The following VPS41 variants were observed in gnomAD, a reference collection of about 807,000 sequenced individuals.
The protein encoded by VPS41 is VPS41 subunit of HOPS complex.
A neutral mutation model predicts 130.9 loss-of-function variants in VPS41; 85 were observed. That is an observed-to-expected ratio of 0.65 (90% CI 0.55 to 0.78). The LOEUF (loss-of-function observed/expected upper bound fraction) is 0.78. Among genes scored for constraint, VPS41 ranks in the 30% least tolerant of loss-of-function variants. The pLI is 0.00. For missense variants in VPS41, 874 were observed against 1,018.7 expected (o/e 0.86, Z 1.93); for synonymous variants, 335 against 332.9 (o/e 1.01, Z -0.07).
intron 9 of VPS41, among the ~76,000 whole-genome samples, chr7:38,790,701 C>T (rs991179985): frequency 1.3e-5 from 2 of 152,138 alleles, no homozygotes; most frequent in African/African-American, 4.8e-5. Context: ...GCAAATGTTA[C>T]ATCATTTATA....
chr7:38,893,120 C>G (rs1786902950), intron 2 of VPS41, among the ~76,000 whole-genome samples: 1 of 152,220 alleles, frequency 6.6e-6, no homozygotes, highest in Non-Finnish European at 1.5e-5. Context: ...GCCACAGAAT[C>G]AAGTCCACAC....
chr7:38,816,606 C>A (rs1181338775), intron 7 of VPS41, among the ~76,000 whole-genome samples: 1 of 152,024 alleles, frequency 6.6e-6, no homozygotes, highest in African/African-American at 2.4e-5. Context: ...TAAAAACAGT[C>A]TTTAAAATAT....
chr7:38,866,930 T>C (rs1386090457), intron 3 of VPS41, among the ~76,000 whole-genome samples: 1 of 152,090 alleles, frequency 6.6e-6, no homozygotes, highest in Non-Finnish European at 1.5e-5. Flanking sequence ...AGCTGATGAA[T>C]GGATAGACAA....
intron 10 of VPS41, among the ~76,000 whole-genome samples, chr7:38,786,735 A>G (rs17700752): frequency 0.25 from 38,204 of 151,980 alleles, 5,282 homozygotes; most frequent in East Asian, 0.44. Flanking sequence ...ACATACCTAG[A>G]TCCTCAAGTA....
chr7:38,853,783 AG>A (rs1260352467), intron 4 of VPS41, among the ~76,000 whole-genome samples: 1 of 152,234 alleles, frequency 6.6e-6, no homozygotes, highest in Non-Finnish European at 1.5e-5. Flanking sequence ...GTGAAATACC[AG>A]GGTAATTTCA....
intron 22 of VPS41, chr7:38,746,088 CGAAT>C (rs1007115999): frequency 1.3e-5 from 2 of 152,940 alleles, no homozygotes; most frequent in African/African-American, 4.8e-5. Flanking sequence ...CATGAATGAA[CGAAT>C]GAATGATTGA....
At chr7:38,782,608 G>T (rs890262767) in intron 10 of VPS41, among the ~76,000 whole-genome samples, 17 of 152,138 alleles carry the variant, frequency 1.1e-4, no homozygotes, top group African/African-American at 4.1e-4. Flanking sequence ...TTCACATATT[G>T]CTGTTATACA....
chr7:38,899,864 T>C (rs908223572), intron 1 of VPS41, among the ~76,000 whole-genome samples: 1 of 152,178 alleles, frequency 6.6e-6, no homozygotes, highest in Non-Finnish European at 1.5e-5. Flanking sequence ...ACATTAAACC[T>C]AAGGAAATTT....
chr7:38,753,801 A>G (rs1026971374), intron 21 of VPS41, among the ~76,000 whole-genome samples: 3 of 152,192 alleles, frequency 2.0e-5, no homozygotes, highest in Non-Finnish European at 2.9e-5. Flanking sequence ...ATGCAGCAGT[A>G]GCATCTGAGC....
intron 24 of VPS41, among the ~76,000 whole-genome samples, chr7:38,742,969 C>T (rs1315613743): frequency 6.6e-6 from 1 of 152,040 alleles, no homozygotes; most frequent in Non-Finnish European, 1.5e-5. Flanking sequence ...AATACTACAA[C>T]ACAAACATCC....
chr7:38,839,732 AGCC>A (rs1254788359), intron 4 of VPS41, among the ~76,000 whole-genome samples: 1 of 152,090 alleles, frequency 6.6e-6, no homozygotes, highest in African/African-American at 2.4e-5. Flanking sequence ...TACAGGTGTG[AGCC>A]ACCGTTCTGC....
chr7:38,889,035 C>T (rs1368918744), intron 2 of VPS41, among the ~76,000 whole-genome samples: 1 of 151,720 alleles, frequency 6.6e-6, no homozygotes, highest in Non-Finnish European at 1.5e-5. Flanking sequence ...CAGAAAACCA[C>T]CATGGCACTT....
chr7:38,839,126 A>C (rs1785556491), intron 4 of VPS41, among the ~76,000 whole-genome samples: 1 of 152,222 alleles, frequency 6.6e-6, no homozygotes, highest in Admixed American at 6.5e-5. Context: ...CAACATCCAC[A>C]TGGTTGCCTA....
Position 38,736,989 on chromosome 7 carries a change from C to T in VPS41, c.2259+4996G>A, listed in dbSNP as rs368109248. Among the ~76,000 whole-genome samples, 8 of 152,248 alleles carry T rather than the reference C, an allele frequency of 5.3e-5. 1 individual carries two copies. Among genetic ancestry groups the T allele is most frequent in the East Asian group, 1.9e-4 (1 of 5,180 alleles). ...TTTCAATATGCAGAGATTCCACATTCGCACCACTTTTGAAAGTTGGTGGAA... is the reference window on the plus strand; with the variant it reads ...TTTCAATATGCAGAGATTCCACATTTGCACCACTTTTGAAAGTTGGTGGAA... On this transcript the variant is annotated intron_variant, in intron 25 of 28. Transcript: ENST00000310301.
intron 25 of VPS41, 37 bp from the exon 26 acceptor site, chr7:38,728,828 T>A: frequency 6.3e-7 from 1 of 1,588,742 alleles, no homozygotes; most frequent in South Asian, 1.1e-5. Context: ...CCATCTTAAG[T>A]AGACTCAAAT....
At chr7:38,735,520 T>C (rs1212432602) in intron 25 of VPS41, among the ~76,000 whole-genome samples, 1 of 151,750 alleles carries the variant, frequency 6.6e-6, no homozygotes, top group Non-Finnish European at 1.5e-5. Context: ...CATGTGTATA[T>C]GTGTATGTGT....
Position 38,902,152 on chromosome 7 carries a change from T to C in VPS41, c.22-4023A>G, listed in dbSNP as rs541349794. On this transcript the variant is annotated intron_variant, in intron 1 of 28. Transcript: ENST00000310301. ...GCCTTGACATGTGGCCTCTCTAATG[T>C]ACTCATCACCTGCCATCAGGATTAT... Among the ~76,000 whole-genome samples the C allele has an allele frequency of 9.8e-5, 15 of 152,300 alleles. 1 individual carries two copies. The East Asian group carries it at 2.7e-3, about 27-fold the overall frequency.
At chr7:38,879,086 T>G (rs928350059) in intron 2 of VPS41, among the ~76,000 whole-genome samples, 3 of 152,086 alleles carry the variant, frequency 2.0e-5, no homozygotes, top group Non-Finnish European at 4.4e-5. Context: ...TACCCCCAAC[T>G]CAGCCCTGAA....
chr7:38,872,185 G>A (rs1786379662), intron 2 of VPS41, among the ~76,000 whole-genome samples: 1 of 152,098 alleles, frequency 6.6e-6, no homozygotes, highest in Non-Finnish European at 1.5e-5. Flanking sequence ...CCTCACTGTT[G>A]GCAGAAGTTG....
Sources: allele counts gnomAD v4.1 joint callset (sites outside exome capture counted in the v4.1 genomes callset), GRCh38; gene constraint gnomAD v4.1.1; transcripts MANE v1.5; gene names NCBI Gene and HGNC (gene_info 2026-07-23, HGNC 2026-07-21).